Variants in UBE2W observed in about 807,000 individuals in gnomAD.
UBE2W encodes ubiquitin conjugating enzyme E2 W, also known as ubiquitin-conjugating enzyme E2 W.
A neutral mutation model predicts 27.2 loss-of-function variants in UBE2W; 18 were observed. The observed-to-expected ratio is 0.66, with a 90% CI of 0.46 to 0.98. The LOEUF is 0.98. Ranked by LOEUF, UBE2W falls within the 50% of genes least tolerant of loss-of-function variation. UBE2W has a pLI of 0.00. For missense variants in UBE2W, 90 were observed against 180.2 expected, an observed-to-expected ratio of 0.50 and a Z score of 2.87; for synonymous variants, 53 against 57.2, an observed-to-expected ratio of 0.93 and a Z score of 0.33.
At chr8:73,822,622 A>T (rs892919692) in intron 3 of UBE2W, among the ~76,000 whole-genome samples, 17 of 146,280 alleles carry the variant, frequency 1.2e-4, no homozygotes, top group South Asian at 4.3e-4. Flanking sequence ...AAAAAAAAAA[A>T]AAAAAAAAAA....
Position 73,825,146 on chromosome 8 carries a change from C to G in UBE2W, c.210+1G>C. On this transcript the variant is annotated splice_donor_variant, in intron 3 of 5. Transcript: ENST00000602593. LOFTEE classifies it high-confidence loss of function. ...AAAAAAATTTAAAGCAAGGCAATTA[C>G]CTGAGGAGAGTCAAAAGGATATCGA... 3 of 1,541,336 alleles carry G rather than the reference C, an allele frequency of 1.9e-6. No homozygotes were observed. The highest frequency in any genetic ancestry group is 2.4e-5 in the South Asian group (2 of 81,962).
chr8:73,838,289 C>T (rs1395826942), intron 1 of UBE2W, among the ~76,000 whole-genome samples: 1 of 152,048 alleles, frequency 6.6e-6, no homozygotes, highest in East Asian at 1.9e-4. Context: ...TTTTTCCCCC[C>T]GGTAAGAAAA....
At chr8:73,813,893 A>G (rs1201731642) in intron 3 of UBE2W, among the ~76,000 whole-genome samples, 1 of 151,774 alleles carries the variant, frequency 6.6e-6, no homozygotes, top group African/African-American at 2.4e-5. Context: ...CACCACACCC[A>G]GCTAATTTTT....
intron 2 of UBE2W, among the ~76,000 whole-genome samples, chr8:73,827,317 G>C (rs1002048218): frequency 6.6e-6 from 1 of 152,086 alleles, no homozygotes; most frequent in African/African-American, 2.4e-5. Flanking sequence ...GGGTTCAAGT[G>C]ATTCTCCTGC....
Position 73,793,260 on chromosome 8 carries a change from C to T in UBE2W, c.*842G>A, listed in dbSNP as rs1586436834. On this transcript the variant is annotated 3_prime_UTR_variant, in exon 6 of 6. Coordinates refer to ENST00000602593, the MANE Select transcript of UBE2W (RefSeq NM_018299.6). ...GAAAAAATCTTTAATGTACAAATAA[C>T]AAGCCCAAATTATGGACTGCAGCAA... The T allele has an allele frequency of 1.0e-6, 1 of 970,038 alleles. No homozygotes were observed. Among genetic ancestry groups the T allele is most frequent in the Non-Finnish European group, 1.2e-6 (1 of 828,556 alleles). 60.1% of individuals were successfully genotyped at this position (970,038 alleles called of 1,614,324 possible). A position where few individuals can be genotyped will look rare whatever the true frequency, so the allele number is the denominator to read the frequency against.
chr8:73,858,683 TAAA>T (rs34554998), intron 1 of UBE2W, among the ~76,000 whole-genome samples: 18,694 of 134,240 alleles, frequency 0.14, 1,397 homozygotes, highest in African/African-American at 0.2. Context: ...GAAAAAGTGC[TAAA>T]AAAAAAAAAA....
At chr8:73,859,552 TCTTA>T (rs1242963129) in intron 1 of UBE2W, among the ~76,000 whole-genome samples, 1 of 152,202 alleles carries the variant, frequency 6.6e-6, no homozygotes, top group Non-Finnish European at 1.5e-5. Context: ...TTTTTCTCTA[TCTTA>T]CTTTATTGTA....
chr8:73,870,741 G>A (rs992764145), intron 1 of UBE2W, among the ~76,000 whole-genome samples: 17 of 150,828 alleles, frequency 1.1e-4, no homozygotes, highest in Admixed American at 8.7e-4. Context: ...AATTATTAGC[G>A]CTGGGATGGG....
chr8:73,851,280 T>C (rs1586523278), intron 1 of UBE2W, among the ~76,000 whole-genome samples: 1 of 151,496 alleles, frequency 6.6e-6, no homozygotes, highest in South Asian at 2.1e-4. Context: ...GAGGCAGGTG[T>C]TTGTTAGGAG....
chr8:73,848,924 T>C (rs546806226), intron 1 of UBE2W, among the ~76,000 whole-genome samples: 3 of 152,338 alleles, frequency 2.0e-5, no homozygotes, highest in Non-Finnish European at 1.5e-5. Context: ...TGATCTAAAA[T>C]TGACTGGTGA....
intron 1 of UBE2W, among the ~76,000 whole-genome samples, chr8:73,854,476 T>C (rs1191720955): frequency 6.6e-6 from 1 of 152,216 alleles, no homozygotes; most frequent in Non-Finnish European, 1.5e-5. Context: ...TGTATTATAA[T>C]GAGCATTACT....
chr8:73,851,963 TAAAA>T lies in UBE2W; in HGVS notation c.16-21495_16-21492del, dbSNP rs1229715370. On this transcript the variant is annotated intron_variant, in intron 1 of 5. Coordinates refer to ENST00000602593, the MANE Select transcript of UBE2W (RefSeq NM_018299.6). ...ACCCAGTCTCTCTTTTTTTTTTTTT[TAAAA>T]AAAAAAAAAAAGGAAAGAGAAGGTG... Among the ~76,000 whole-genome samples the T allele has an allele frequency of 2.0e-4, 24 of 117,304 alleles. No individual in the cohort carries two copies. The South Asian group carries it at 4.5e-3, about 22-fold the overall frequency. The allele number at this position is 117,304 out of a possible 152,430, so 77.0% of individuals were successfully genotyped here.
chr8:73,837,939 T>A (rs1227860019), intron 1 of UBE2W, among the ~76,000 whole-genome samples: 1 of 152,212 alleles, frequency 6.6e-6, no homozygotes, highest in African/African-American at 2.4e-5. Flanking sequence ...TTTCCTTTTT[T>A]TTATTCTTCC....
chr8:73,795,062 A>G (rs1808358254), intron 5 of UBE2W, among the ~76,000 whole-genome samples: 2 of 152,216 alleles, frequency 1.3e-5, no homozygotes, highest in Non-Finnish European at 2.9e-5. Context: ...ATTTATTCTG[A>G]GGATGAGTTA....
rs528652310 is a variant in UBE2W at position 73,788,241 on chromosome 8, CTGTTT to C, written c.*5856_*5860del. ...TAAAAAATATATAACATAGATTTGT[CTGTTT>C]TAACATTTATATTCTATTTAAAAAG... On this transcript the variant is annotated 3_prime_UTR_variant, in exon 6 of 6. Transcript: ENST00000602593. The C allele has an allele frequency of 3.1e-4, 295 of 950,182 alleles. 2 individuals are homozygous for C. The highest frequency in any genetic ancestry group is 2.4e-3 in the South Asian group (49 of 20,556). The allele number at this position is 950,182 out of a possible 1,614,324, so 58.9% of individuals were successfully genotyped here. A position where few individuals can be genotyped will look rare whatever the true frequency, so the allele number is the denominator to read the frequency against.
At chr8:73,805,901 C>T (rs536586902) in intron 4 of UBE2W, among the ~76,000 whole-genome samples, 175 bp from the exon 5 acceptor site, 37 of 152,104 alleles carry the variant, frequency 2.4e-4, no homozygotes, top group Middle Eastern at 3.4e-3. Context: ...ATGCTTAACA[C>T]CTAAATTTAA....
At position 73,836,178 on chromosome 8, in the gene UBE2W, C is replaced by T. The variant is rs548124899; in HGVS notation, c.16-5706G>A. Reference sequence around the variant, plus strand: ...TACTTCCTCATCAATATCACTAAGTCACAATCTAAGACATTCACTGGACCA... The same window carrying T: ...TACTTCCTCATCAATATCACTAAGTTACAATCTAAGACATTCACTGGACCA... On this transcript the variant is annotated intron_variant, in intron 1 of 5. Transcript: ENST00000602593. Among the ~76,000 whole-genome samples the T allele has an allele frequency of 2.0e-5, 3 of 152,276 alleles. No individual in the cohort carries two copies. In the East Asian group the frequency reaches 5.8e-4, roughly 29 times the overall value.
intron 5 of UBE2W, among the ~76,000 whole-genome samples, chr8:73,795,397 G>C (rs535273240): frequency 2.5e-3 from 376 of 152,220 alleles, no homozygotes; most frequent in Non-Finnish European, 4.4e-3. Context: ...CATGTGACTT[G>C]CCTGCTCTCC....
In UBE2W at chr8:73,814,379, A is replaced by G. The variant is rs544342124; in HGVS notation, c.211-3750T>C. Among the ~76,000 whole-genome samples the G allele has an allele frequency of 1.6e-4, 24 of 152,360 alleles. 1 individual carries two copies. In the South Asian group the frequency reaches 5.0e-3, roughly 32 times the overall value. On this transcript the variant is annotated intron_variant, in intron 3 of 5. Coordinates refer to ENST00000602593, the MANE Select transcript of UBE2W (RefSeq NM_018299.6). ...TAGTCATATGAACAGCCAACGATGGAGACCACGGACATTCCTCGCTGCGTA... is the reference window on the plus strand; with the variant it reads ...TAGTCATATGAACAGCCAACGATGGGGACCACGGACATTCCTCGCTGCGTA...
Sources: allele counts gnomAD v4.1 joint callset (sites outside exome capture counted in the v4.1 genomes callset), GRCh38; gene constraint gnomAD v4.1.1; transcripts MANE v1.5; gene names NCBI Gene and HGNC (gene_info 2026-07-23, HGNC 2026-07-21).